SMIM35: variants seen among roughly 807,000 people sequenced by gnomAD.
SMIM35 encodes the protein small integral membrane protein 35, also known as TMPRSS4 antisense RNA 1 (non-protein coding).
At position 118,004,571 on chromosome 11, in the gene SMIM35, G is replaced by A. The variant is rs2058112393; in HGVS notation, c.*1839C>T. On this transcript the variant is annotated 3_prime_UTR_variant, in exon 5 of 5. Transcript: ENST00000689828. ...GGTCTTTCAGCAATTGGCAAGGCTGGCCTGGATCTGTGAGGCTCAGGGTTA... is the reference window on the plus strand; with the variant it reads ...GGTCTTTCAGCAATTGGCAAGGCTGACCTGGATCTGTGAGGCTCAGGGTTA... 6.6e-6 allele frequency: 1 copy of A among 152,274 alleles called. No individual in the cohort carries two copies. Among genetic ancestry groups the A allele is most frequent in the East Asian group, 1.9e-4 (1 of 5,200 alleles). 9.4% of individuals were successfully genotyped at this position (152,274 alleles called of 1,614,324 possible).
chr11:118,014,934 A>C (rs2058171595), intron 2 of SMIM35, among the ~76,000 whole-genome samples, 193 bp from the exon 3 acceptor site: 1 of 152,148 alleles, frequency 6.6e-6, no homozygotes, highest in African/African-American at 2.4e-5. Context: ...CCTGGGATGA[A>C]GGCAGTCCTA....
intron 1 of SMIM35, among the ~76,000 whole-genome samples, chr11:118,049,831 T>G (rs1033844179): frequency 6.6e-6 from 1 of 152,176 alleles, no homozygotes; most frequent in Non-Finnish European, 1.5e-5. Context: ...CCTCACTAAC[T>G]ACTCCTGCCT....
intron 4 of SMIM35, among the ~76,000 whole-genome samples, chr11:118,012,243 G>A (rs1021523880): frequency 5.9e-5 from 9 of 152,196 alleles, no homozygotes; most frequent in South Asian, 2.1e-4. Flanking sequence ...CAGGAGCCCC[G>A]AGGACTCTGC....
At chr11:118,029,381 C>G (rs1178149206) in intron 1 of SMIM35, among the ~76,000 whole-genome samples, 1 of 152,184 alleles carries the variant, frequency 6.6e-6, no homozygotes, top group Non-Finnish European at 1.5e-5. Context: ...GCTTAATACT[C>G]AAGACCAAGA....
At chr11:118,036,667 G>C (rs1483320831) in intron 1 of SMIM35, among the ~76,000 whole-genome samples, 3 of 152,272 alleles carry the variant, frequency 2.0e-5, no homozygotes, top group African/African-American at 7.2e-5. Flanking sequence ...CATCAGGGAG[G>C]CAGCTGGCCA....
chr11:118,063,735 T>C (rs2135126364), intron 1 of SMIM35, among the ~76,000 whole-genome samples: 1 of 152,296 alleles, frequency 6.6e-6, no homozygotes, highest in Middle Eastern at 3.4e-3. Context: ...ATCATGCTTA[T>C]GTAACGAAGT....
chr11:118,020,119 A>G (rs2058214894), intron 1 of SMIM35, among the ~76,000 whole-genome samples: 1 of 152,148 alleles, frequency 6.6e-6, no homozygotes, highest in African/African-American at 2.4e-5. Context: ...TACAAAAATT[A>G]GCCAGGTGTG....
intron 1 of SMIM35, among the ~76,000 whole-genome samples, chr11:118,084,650 T>C (rs1945404727): frequency 6.6e-6 from 1 of 152,198 alleles, no homozygotes; most frequent in Non-Finnish European, 1.5e-5. Flanking sequence ...GGAGTTCTGC[T>C]CTCCATGCCT....
chr11:118,082,009 C>T (rs748536364), intron 1 of SMIM35, among the ~76,000 whole-genome samples: 1 of 152,200 alleles, frequency 6.6e-6, no homozygotes, highest in Non-Finnish European at 1.5e-5. Flanking sequence ...ATCCCATCTC[C>T]ACCCTGACAT....
At chr11:118,044,850 C>T (rs1944072138) in intron 1 of SMIM35, among the ~76,000 whole-genome samples, 1 of 150,458 alleles carries the variant, frequency 6.6e-6, no homozygotes, top group South Asian at 2.1e-4. Flanking sequence ...CTAGTTTGAT[C>T]ACTTAGAAGA....
chr11:118,024,972 A>G (rs1039651340), intron 1 of SMIM35, among the ~76,000 whole-genome samples: 3 of 151,972 alleles, frequency 2.0e-5, no homozygotes, highest in Non-Finnish European at 4.4e-5. Flanking sequence ...TTCCCTGTCC[A>G]TATGTACCCA....
intron 1 of SMIM35, among the ~76,000 whole-genome samples, chr11:118,084,778 T>A (rs1945418679): frequency 6.6e-6 from 1 of 152,246 alleles, no homozygotes; most frequent in African/African-American, 2.4e-5. Flanking sequence ...ACCCTGTGAA[T>A]TAAGTCATAT....
chr11:118,025,305 A>G (rs569294728), intron 1 of SMIM35: 1 of 340,980 alleles, frequency 2.9e-6, no homozygotes, highest in Non-Finnish European at 5.7e-6. Context: ...TTGTGCAGTC[A>G]AATGGTAGTT....
At chr11:118,080,456 T>G (rs1945036755) in intron 1 of SMIM35, among the ~76,000 whole-genome samples, 2 of 152,120 alleles carry the variant, frequency 1.3e-5, no homozygotes, top group African/African-American at 2.4e-5. Flanking sequence ...CCTGTCCATC[T>G]CCCAGGGCGC....
In SMIM35 at chr11:118,086,855, GT is replaced by G. The variant is rs1467555559; in HGVS notation, c.-99del. The G allele has an allele frequency of 6.5e-6, 1 of 152,870 alleles. No individual in the cohort carries two copies. The highest frequency in any genetic ancestry group is 1.9e-4 in the East Asian group (1 of 5,208). The allele number at this position is 152,870 out of a possible 1,614,324, so 9.5% of individuals were successfully genotyped here. ...AGTGGAGAGGACACAGCTGCTTGCC[GT>G]TGGTTTTGGGGAGGGATGCAGGTTC... On this transcript the variant is annotated 5_prime_UTR_variant, in exon 1 of 5. Transcript: ENST00000689828.
intron 1 of SMIM35, among the ~76,000 whole-genome samples, chr11:118,057,037 A>G (rs1316918053): frequency 6.6e-6 from 1 of 152,148 alleles, no homozygotes; most frequent in Non-Finnish European, 1.5e-5. Flanking sequence ...TGGTGAGGGG[A>G]AGGAAGAAGG....
intron 1 of SMIM35, among the ~76,000 whole-genome samples, chr11:118,040,278 T>C (rs1398206121): frequency 1.3e-5 from 2 of 151,904 alleles, no homozygotes; most frequent in Non-Finnish European, 1.5e-5. Flanking sequence ...TAAGAAAAAC[T>C]AAAAGAGATT....
At chr11:118,046,388 T>C (rs1944097633) in intron 1 of SMIM35, among the ~76,000 whole-genome samples, 4 of 152,170 alleles carry the variant, frequency 2.6e-5, no homozygotes, top group South Asian at 4.1e-4. Flanking sequence ...CACAGGAAGA[T>C]TGGCATCAAC....
chr11:118,079,179 C>T (rs1260282723), intron 1 of SMIM35, among the ~76,000 whole-genome samples: 1 of 152,136 alleles, frequency 6.6e-6, no homozygotes, highest in Non-Finnish European at 1.5e-5. Context: ...CGGAGCTAGC[C>T]ATTATACTGC....
Sources: gnomAD v4.1 joint callset for allele counts (sites outside exome capture counted in the v4.1 genomes callset) on GRCh38, gnomAD v4.1.1 for gene constraint, MANE v1.5 for transcripts, NCBI Gene and HGNC (gene_info 2026-07-23, HGNC 2026-07-21) for gene names.